The following IL21R variants were observed in gnomAD, a reference collection of about 807,000 sequenced individuals.
The protein encoded by IL21R is interleukin-21 receptor.
Under a neutral mutation model 41.3 loss-of-function variants are expected in IL21R, and 14 were observed. The ratio of observed to expected loss-of-function variants is 0.34; its 90% CI spans 0.22 to 0.53. IL21R has a LOEUF of 0.53. Among genes scored for constraint, IL21R ranks in the 20% least tolerant of loss-of-function variants. The probability of loss-of-function intolerance (pLI) is 0.94; values close to 1 mark genes in which losing one functional copy is unlikely to be tolerated. For synonymous variants in IL21R, 286 were observed against 287.6 expected (o/e 0.99, Z 0.05); for missense variants, 588 against 681.6 (o/e 0.86, Z 1.53).
chr16:27,427,406 T>A, intron 1 of IL21R: 2 of 833,614 alleles, frequency 2.4e-6, no homozygotes, highest in Non-Finnish European at 1.4e-6. Context: ...TGTCTGTTTG[T>A]TTTTTTAAAG....
At chr16:27,437,255 C>G (rs1279016687) in intron 3 of IL21R, among the ~76,000 whole-genome samples, 3 of 152,142 alleles carry the variant, frequency 2.0e-5, no homozygotes, top group Admixed American at 6.5e-5. Flanking sequence ...GAGTTCCTGG[C>G]CCCTGGGAGG....
chr16:27,425,063 C>T (rs2087053574), intron 1 of IL21R, among the ~76,000 whole-genome samples: 2 of 152,200 alleles, frequency 1.3e-5, no homozygotes, highest in Admixed American at 1.3e-4. Context: ...CCCCATGATC[C>T]AATCACCTCC....
At chr16:27,424,728 G>A (rs2087048087) in intron 1 of IL21R, among the ~76,000 whole-genome samples, 1 of 152,188 alleles carries the variant, frequency 6.6e-6, no homozygotes, top group African/African-American at 2.4e-5. Context: ...AGACTGCAGA[G>A]GTTGGGTGCT....
At chr16:27,426,774 C>A (rs1477575136) in intron 1 of IL21R, among the ~76,000 whole-genome samples, 1 of 152,262 alleles carries the variant, frequency 6.6e-6, no homozygotes, top group African/African-American at 2.4e-5. Flanking sequence ...AGAAGAGCTA[C>A]TATTTGCTTC....
intron 1 of IL21R, among the ~76,000 whole-genome samples, chr16:27,415,473 C>T (rs179766): frequency 6.6e-6 from 1 of 152,138 alleles, no homozygotes. Flanking sequence ...TCATGGCAAC[C>T]GGTTTTTGGG....
At chr16:27,417,598 A>G (rs1312366203) in intron 1 of IL21R, among the ~76,000 whole-genome samples, 2 of 152,238 alleles carry the variant, frequency 1.3e-5, no homozygotes, top group Non-Finnish European at 2.9e-5. Context: ...AACGTCATAG[A>G]GTGCACTTAC....
chr16:27,434,483 G>A lies in IL21R; in HGVS notation c.152+34G>A, dbSNP rs1031283031. ...CCGGGCCTCACCAGTCCCCGGGGAT[G>A]CAATTCAGGGTGCCTGCTCAGTGAT... On this transcript the variant is annotated intron_variant, in intron 3 of 8. Coordinates refer to ENST00000337929, the MANE Select transcript of IL21R (RefSeq NM_181078.3). 4 of 1,365,166 alleles carry A rather than the reference G, an allele frequency of 2.9e-6. No homozygotes were observed. The African/African-American group carries it at 5.7e-5, about 20-fold the overall frequency. 84.6% of individuals were successfully genotyped at this position (1,365,166 alleles called of 1,614,324 possible).
In IL21R at chr16:27,444,587, C is replaced by T. The variant is rs540871969; in HGVS notation, c.553C>T (p.Leu185Phe). 3.2e-6 allele frequency: 5 copies of T among 1,570,988 alleles called. No individual in the cohort carries two copies. In the African/African-American group the frequency reaches 6.9e-5, roughly 22 times the overall value. ...LISVDSRSVS[L>F]LPLEFRKDSS... Reference sequence around the variant, plus strand: ...CTCAGTGGACTCAAGAAGTGTCTCCCTCCTCCCCCTGGAGTTCCGCAAAGA... The same window carrying T: ...CTCAGTGGACTCAAGAAGTGTCTCCTTCCTCCCCCTGGAGTTCCGCAAAGA... The change falls in exon 6 of 9, where the codon CTC becomes TTC. Residue 185 changes from leucine to phenylalanine, a missense_variant. Transcript: ENST00000337929.
intron 1 of IL21R, among the ~76,000 whole-genome samples, chr16:27,428,713 C>G (rs2087118033): frequency 6.6e-6 from 1 of 152,230 alleles, no homozygotes; most frequent in African/African-American, 2.4e-5. Context: ...TAAACTCACT[C>G]TGCTCCCCAA....
chr16:27,437,788 G>A lies in IL21R; in HGVS notation c.352+101G>A, dbSNP rs535903860. 4.1e-4 allele frequency: 370 copies of A among 895,946 alleles called. 1 individual carries two copies. The highest frequency in any genetic ancestry group is 8.8e-4 in the Admixed American group (44 of 49,870). The allele number at this position is 895,946 out of a possible 1,614,324, so 55.5% of individuals were successfully genotyped here. A position where few individuals can be genotyped will look rare whatever the true frequency, so the allele number is the denominator to read the frequency against. ...GGTGATCCTCCCACCTCAGCCTCCC[G>A]TGTAGCTGGGACAACAGGTGTACAC... On this transcript the variant is annotated intron_variant, in intron 4 of 8. Coordinates refer to ENST00000337929, the MANE Select transcript of IL21R (RefSeq NM_181078.3).
chr16:27,443,411 G>T (rs1230893175), intron 5 of IL21R, among the ~76,000 whole-genome samples: 1 of 152,172 alleles, frequency 6.6e-6, no homozygotes, highest in Non-Finnish European at 1.5e-5. Context: ...AATAGAAGAA[G>T]TTTCAGAAAT....
At chr16:27,437,311 G>A (rs2087287786) in intron 3 of IL21R, among the ~76,000 whole-genome samples, 177 bp from the exon 4 acceptor site, 1 of 152,172 alleles carries the variant, frequency 6.6e-6, no homozygotes, top group Non-Finnish European at 1.5e-5. Context: ...TGCTGTAGGG[G>A]AGGTGATACC....
At chr16:27,448,013 A>T (rs1277104993) in intron 8 of IL21R, 3 of 152,612 alleles carry the variant, frequency 2.0e-5, no homozygotes, top group African/African-American at 7.3e-5. Context: ...TAGGAGGGGG[A>T]TCCACTAGGG....
chr16:27,435,015 C>A (rs1278300424), intron 3 of IL21R, among the ~76,000 whole-genome samples: 1 of 152,182 alleles, frequency 6.6e-6, no homozygotes, highest in African/African-American at 2.4e-5. Context: ...CTAACCCCAG[C>A]ACTTTGGGAG....
At chr16:27,426,542 G>T (rs2087081715) in intron 1 of IL21R, among the ~76,000 whole-genome samples, 1 of 152,230 alleles carries the variant, frequency 6.6e-6, no homozygotes, top group Non-Finnish European at 1.5e-5. Context: ...TCCAGCAGAG[G>T]CAAAGATGCA....
intron 1 of IL21R, among the ~76,000 whole-genome samples, chr16:27,405,724 G>T (rs1001597816): frequency 7.0e-6 from 1 of 143,836 alleles, no homozygotes; most frequent in East Asian, 2.2e-4. Flanking sequence ...AGGTGCCACC[G>T]CCCCCACTCC....
chr16:27,437,373 C>T, intron 3 of IL21R, 115 bp from the exon 4 acceptor site: 1 of 854,042 alleles, frequency 1.2e-6, no homozygotes, highest in South Asian at 1.5e-5. Context: ...AGCCCTGCCT[C>T]AAATCCCTCC....
chr16:27,444,885 G>T (rs1040604406), intron 6 of IL21R, among the ~76,000 whole-genome samples, 166 bp downstream of exon 6: 1 of 152,236 alleles, frequency 6.6e-6, no homozygotes, highest in Non-Finnish European at 1.5e-5. Flanking sequence ...GCCAGGCCCT[G>T]TTGGGTGCCA....
At chr16:27,404,101 C>T (rs571240405) in intron 1 of IL21R, among the ~76,000 whole-genome samples, 4 of 152,252 alleles carry the variant, frequency 2.6e-5, no homozygotes, top group South Asian at 2.1e-4. Context: ...ATGGGGATGG[C>T]GGAGTATTCA....
Sources: gnomAD v4.1 joint callset for allele counts (sites outside exome capture counted in the v4.1 genomes callset) on GRCh38, gnomAD v4.1.1 for gene constraint, MANE v1.5 for transcripts, NCBI Gene and HGNC (gene_info 2026-07-23, HGNC 2026-07-21) for gene names.